The following GOLGB1 variants were observed in gnomAD, a reference collection of about 807,000 sequenced individuals.
GOLGB1 encodes golgin B1, also known as golgin subfamily B member 1.
A neutral mutation model predicts 336.9 loss-of-function variants in GOLGB1; 174 were observed. That is an observed-to-expected ratio of 0.52 (90% confidence interval 0.46 to 0.59). The LOEUF is 0.59. Among genes scored for constraint, GOLGB1 ranks in the 20% least tolerant of loss-of-function variants. The pLI is 0.00. For synonymous variants in GOLGB1, 1,208 were observed against 1,289.2 expected (o/e 0.94, Z 1.35); for missense variants, 3,331 against 3,645.3 (o/e 0.91, Z 2.22).
At position 121,718,556 on chromosome 3, in the gene GOLGB1, C is replaced by T. The variant is rs1293871024; in HGVS notation, c.772-55G>A. 3.4e-6 allele frequency: 4 copies of T among 1,180,504 alleles called. No individual in the cohort carries two copies. In the African/African-American group the frequency reaches 4.5e-5, roughly 13 times the overall value. 73.1% of individuals were successfully genotyped at this position (1,180,504 alleles called of 1,614,324 possible). ...GCTAACAAATGAGTGCTTGTATTTG[C>T]TTATCTTTCAAAATGTCATGTAGAT... is the stretch of plus-strand genomic sequence containing the variant. On this transcript the variant is annotated intron_variant, in intron 7 of 21. Transcript: ENST00000614479.
intron 10 of GOLGB1, among the ~76,000 whole-genome samples, chr3:121,706,308 A>C (rs953630696): frequency 2.0e-5 from 3 of 152,140 alleles, no homozygotes; most frequent in African/African-American, 4.8e-5. Flanking sequence ...AGATTGAAAA[A>C]GCTCAATGAA....
At position 121,681,671 on chromosome 3, in the gene GOLGB1, G is replaced by C. The variant is rs1941089306; in HGVS notation, c.8873+16C>G. On this transcript the variant is annotated intron_variant, in intron 15 of 21. Coordinates refer to ENST00000614479, the MANE Select transcript of GOLGB1 (RefSeq NM_001366282.2). ...TAAAATGAAAAGAGTTGAAAAGGAG[G>C]GATTATATATAGTACCTGAGCTGAT... 4 of 1,512,938 alleles carry C rather than the reference G, an allele frequency of 2.6e-6. No individual in the cohort carries two copies. The highest frequency in any genetic ancestry group is 1.7e-4 in the Middle Eastern group (1 of 5,722). 93.7% of individuals were successfully genotyped at this position (1,512,938 alleles called of 1,614,324 possible). A position where few individuals can be genotyped will look rare whatever the true frequency, so the allele number is the denominator to read the frequency against.
In GOLGB1 at chr3:121,668,140, C is replaced by T. The variant is rs1012462535; in HGVS notation, c.9340G>A (p.Val3114Ile). ...TTTTCCTGGGGAGCTCCTGGAGCAA[C>T]ATCTATATTTAGTGGCCCCTGGAAG... ...ELQAGPLNID[V>I]APGAPQEKNG... Residue 3114 changes from valine to isoleucine, a missense_variant, in exon 19 of 22, where the codon GTT (valine) becomes ATT (isoleucine). Transcript: ENST00000614479. 10 of 1,597,096 alleles carry T rather than the reference C, an allele frequency of 6.3e-6. No individual in the cohort carries two copies. The highest frequency in any genetic ancestry group is 1.7e-5 in the Admixed American group (1 of 58,396).
At chr3:121,741,762 A>G (rs6794341) in intron 1 of GOLGB1, among the ~76,000 whole-genome samples, 105,453 of 151,880 alleles carry the variant, frequency 0.69, 37,421 homozygotes, top group East Asian at 0.85. Flanking sequence ...TCTGTCCACC[A>G]AAAAGGCTTA....
Position 121,692,667 on chromosome 3 carries a change from T to C in GOLGB1, c.6783-86A>G, listed in dbSNP as rs193212889. The C allele has an allele frequency of 6.9e-5, 48 of 699,098 alleles. No homozygotes were observed. In the Admixed American group the frequency reaches 1.1e-3, roughly 17 times the overall value. 43.3% of individuals were successfully genotyped at this position (699,098 alleles called of 1,614,324 possible). Reference sequence around the variant, plus strand: ...AACAAATACTATAACATGTACTCAATAGATTTACAAATGAATTAACATTCA... The same window carrying C: ...AACAAATACTATAACATGTACTCAACAGATTTACAAATGAATTAACATTCA... On this transcript the variant is annotated intron_variant, in intron 13 of 21. Transcript: ENST00000614479.
chr3:121,741,687 G>C (rs1946869425), intron 1 of GOLGB1, among the ~76,000 whole-genome samples: 1 of 152,116 alleles, frequency 6.6e-6, no homozygotes, highest in South Asian at 2.1e-4. Flanking sequence ...CTTTGAATCT[G>C]AATAGGAACA....
intron 1 of GOLGB1, among the ~76,000 whole-genome samples, chr3:121,736,841 T>C (rs556411206): frequency 2.0e-5 from 3 of 152,216 alleles, no homozygotes; most frequent in Non-Finnish European, 2.9e-5. Flanking sequence ...GAGACAGAGG[T>C]TGCAGTGAGC....
rs548500578 is a variant in GOLGB1, at chr3:121,733,240, G to A, written c.-2-2267C>T. Among the ~76,000 whole-genome samples the A allele has an allele frequency of 1.7e-4, 25 of 144,756 alleles. No individual in the cohort carries two copies. The South Asian group carries it at 5.5e-3, about 32-fold the overall frequency. 95.0% of individuals were successfully genotyped at this position (144,756 alleles called of 152,430 possible). A position where few individuals can be genotyped will look rare whatever the true frequency, so the allele number is the denominator to read the frequency against. ...CTGGAGGCTGAGGCAGGAGAATGGC[G>A]TGAACCCAGGAGGTGGAGCTTGCAG... On this transcript the variant is annotated intron_variant, in intron 1 of 21. Transcript: ENST00000614479.
At chr3:121,684,270 C>A (rs1468973931) in intron 14 of GOLGB1, among the ~76,000 whole-genome samples, 4 of 87,366 alleles carry the variant, frequency 4.6e-5, no homozygotes, top group Non-Finnish European at 7.1e-5. Flanking sequence ...TCCAGAAATA[C>A]AGCAAAAAAA....
At position 121,693,866 on chromosome 3, in the gene GOLGB1, C is replaced by T; in HGVS notation, c.6657G>A (p.Lys2219=). ...CTTTGCTTTGAATCGCATCACTAAA[C>T]TTCCTCTCCCATTTCTTAGCTTCAT... ...VIDEAKKWER[K]FSDAIQSKEE... is the part of the protein sequence containing the mutation. The change falls in exon 13 of 22, where the codon AAG becomes AAA. Residue 2219 remains lysine (K), a synonymous_variant. Coordinates refer to ENST00000614479, the MANE Select transcript of GOLGB1 (RefSeq NM_001366282.2). The T allele has an allele frequency of 6.2e-7, 1 of 1,613,900 alleles. No homozygotes were observed. The highest frequency in any genetic ancestry group is 8.5e-7 in the Non-Finnish European group (1 of 1,179,770).
chr3:121,682,359 T>A (rs1019823158), intron 14 of GOLGB1, among the ~76,000 whole-genome samples: 2 of 152,190 alleles, frequency 1.3e-5, no homozygotes. Flanking sequence ...GAGTTAGATA[T>A]CCTACTACTT....
rs767202922 is a variant in GOLGB1 at position 121,695,105 on chromosome 3, G to T, written c.5418C>A (p.Asp1806Glu). 2.5e-6 allele frequency: 4 copies of T among 1,613,746 alleles called. No individual in the cohort carries two copies. Among genetic ancestry groups the T allele is most frequent in the Non-Finnish European group, 3.4e-6 (4 of 1,179,972 alleles). ...TAGGTCTTGTGCTCATACTCAGAGA[G>T]TCTTGCTCTTCAGTCTCACCTGGTA... is the stretch of plus-strand genomic sequence containing the variant. ...QSIPGETEEQ[D>E]SLSMSTRPTC... The change falls in exon 13 of 22, where the codon GAC becomes GAA. Residue 1806 changes from aspartate (D) to glutamate (E), a missense_variant. Coordinates refer to ENST00000614479, the MANE Select transcript of GOLGB1 (RefSeq NM_001366282.2).
intron 4 of GOLGB1, among the ~76,000 whole-genome samples, chr3:121,727,314 ATATATATT>A (rs1418401911): frequency 0.032 from 1,204 of 37,838 alleles, no homozygotes; most frequent in East Asian, 0.082. Flanking sequence ...ATATATATAT[ATATATATT>A]TTTTTTTTTT....
intron 18 of GOLGB1, among the ~76,000 whole-genome samples, chr3:121,668,937 T>A (rs9819530): frequency 6.6e-6 from 1 of 151,998 alleles, no homozygotes; most frequent in Non-Finnish European, 1.5e-5. Context: ...AAATCAACAC[T>A]TTCTCTGTTT....
intron 5 of GOLGB1, among the ~76,000 whole-genome samples, chr3:121,726,433 C>CAAAAAAAAAA (rs10547964): frequency 3.8e-3 from 234 of 61,334 alleles, no homozygotes; most frequent in Admixed American, 4.8e-3. Context: ...CACCCTGTCT[C>CAAAAAAAAAA]AAAAAAAAAA....
At chr3:121,685,300 G>A (rs1462096483) in intron 14 of GOLGB1, among the ~76,000 whole-genome samples, 2 of 152,182 alleles carry the variant, frequency 1.3e-5, no homozygotes, top group African/African-American at 2.4e-5. Flanking sequence ...ACTTTGGGAG[G>A]CTGAGGCAGG....
intron 1 of GOLGB1, among the ~76,000 whole-genome samples, chr3:121,732,601 T>G (rs982558423): frequency 6.6e-6 from 1 of 152,198 alleles, no homozygotes; most frequent in African/African-American, 2.4e-5. Flanking sequence ...ATTAACAGAC[T>G]AAATAAGGAA....
Position 121,667,472 on chromosome 3 carries a change from T to C in GOLGB1, c.9554+4A>G. The stretch of plus-strand genomic sequence containing the variant: ...GAACAGAGGCTATCTCCTTCAGCCT[T>C]TACCGTCTGATCTGCTCCTCGGCCA... On this transcript the variant is annotated splice_donor_region_variant and intron_variant, in intron 20 of 21. Transcript: ENST00000614479. The C allele has an allele frequency of 6.2e-7, 1 of 1,613,616 alleles. No homozygotes were observed. The highest frequency in any genetic ancestry group is 8.5e-7 in the Non-Finnish European group (1 of 1,179,706).
At chr3:121,683,357 T>C (rs1258980560) in intron 14 of GOLGB1, among the ~76,000 whole-genome samples, 4 of 152,152 alleles carry the variant, frequency 2.6e-5, no homozygotes, top group Non-Finnish European at 5.9e-5. Flanking sequence ...CCAAATAAAG[T>C]GAATGCATGC....
Sources: allele counts gnomAD v4.1 joint callset (sites outside exome capture counted in the v4.1 genomes callset), GRCh38; gene constraint gnomAD v4.1.1; transcripts MANE v1.5; gene names NCBI Gene and HGNC (gene_info 2026-07-23, HGNC 2026-07-21).